Variants in LRP1B observed in about 807,000 individuals in gnomAD.
LRP1B encodes the protein low-density lipoprotein receptor-related protein 1B.
A neutral mutation model predicts 556.6 loss-of-function variants in LRP1B; 217 were observed. The ratio of observed to expected loss-of-function variants is 0.39; its 90% confidence interval spans 0.35 to 0.44. The LOEUF (loss-of-function observed/expected upper bound fraction) is 0.44. Ranked by LOEUF, LRP1B falls within the 20% of genes least tolerant of loss-of-function variation. The probability of loss-of-function intolerance (pLI) is 1.00; values close to 1 mark genes in which losing one functional copy is unlikely to be tolerated. For synonymous variants in LRP1B, 2,047 were observed against 1,865.8 expected, an observed-to-expected ratio of 1.10 and a Z score of -2.50; for missense variants, 5,053 against 5,620.8, an observed-to-expected ratio of 0.90 and a Z score of 3.23.
intron 1 of LRP1B, among the ~76,000 whole-genome samples, chr2:141,814,058 G>C (rs1322159985): frequency 6.6e-6 from 1 of 152,164 alleles, no homozygotes; most frequent in Non-Finnish European, 1.5e-5. Context: ...CCAATTGAGA[G>C]CTTTAGTGAC....
At chr2:141,091,923 T>C (rs1487617327) in intron 7 of LRP1B, among the ~76,000 whole-genome samples, 1 of 152,218 alleles carries the variant, frequency 6.6e-6, no homozygotes, top group Non-Finnish European at 1.5e-5. Flanking sequence ...ATCACCACTA[T>C]GACTGCTGCC....
At chr2:140,847,975 A>C (rs1004729884) in intron 29 of LRP1B, among the ~76,000 whole-genome samples, 12 of 152,146 alleles carry the variant, frequency 7.9e-5, no homozygotes, top group African/African-American at 2.9e-4. Context: ...TTACTACCAG[A>C]TACCAGTTCA....
At chr2:141,624,674 A>G in intron 2 of LRP1B, among the ~76,000 whole-genome samples, 1 of 152,320 alleles carries the variant, frequency 6.6e-6, no homozygotes, top group African/African-American at 2.4e-5. Flanking sequence ...ACCATTTTCA[A>G]AACCAAACTT....
At chr2:140,533,893 T>G in intron 47 of LRP1B, 128 bp downstream of exon 47, 1 of 936,248 alleles carries the variant, frequency 1.1e-6, no homozygotes, top group Non-Finnish European at 1.6e-6. Context: ...CCAACAGCAT[T>G]TACCAAAGTG....
chr2:141,823,561 G>A (rs1696825188), intron 1 of LRP1B, among the ~76,000 whole-genome samples: 1 of 152,158 alleles, frequency 6.6e-6, no homozygotes, highest in African/African-American at 2.4e-5. Flanking sequence ...AGCTGATTAG[G>A]TGGAGGATAG....
intron 35 of LRP1B, among the ~76,000 whole-genome samples, chr2:140,718,946 T>C (rs1687305143): frequency 6.6e-6 from 1 of 152,138 alleles, no homozygotes; most frequent in African/African-American, 2.4e-5. Flanking sequence ...CTTTCCTGCC[T>C]ATTCTACAAA....
chr2:141,983,409 C>T (rs1269257618), intron 1 of LRP1B, among the ~76,000 whole-genome samples: 1 of 152,122 alleles, frequency 6.6e-6, no homozygotes, highest in Non-Finnish European at 1.5e-5. Flanking sequence ...TTTCACCTCT[C>T]TTTTATGCCA....
chr2:140,548,869 G>A (rs995504659), intron 43 of LRP1B, among the ~76,000 whole-genome samples: 8 of 151,980 alleles, frequency 5.3e-5, no homozygotes, highest in African/African-American at 1.9e-4. Flanking sequence ...AGGTTGCAGT[G>A]AGCCAAGATC....
At chr2:141,467,451 T>C (rs1218564194) in intron 3 of LRP1B, among the ~76,000 whole-genome samples, 1 of 152,110 alleles carries the variant, frequency 6.6e-6, no homozygotes, top group East Asian at 1.9e-4. Context: ...TAGTACAAAT[T>C]GCTAAGCATT....
At chr2:141,882,981 T>C (rs1236336557) in intron 1 of LRP1B, among the ~76,000 whole-genome samples, 3 of 152,182 alleles carry the variant, frequency 2.0e-5, no homozygotes, top group Non-Finnish European at 4.4e-5. Flanking sequence ...CCAAAGGCAT[T>C]GCGGCTAAAG....
intron 7 of LRP1B, among the ~76,000 whole-genome samples, chr2:141,171,844 A>T (rs1176612288): frequency 6.6e-6 from 1 of 152,082 alleles, no homozygotes; most frequent in African/African-American, 2.4e-5. Context: ...GCGTGGATCA[A>T]TGTGGAAGAA....
chr2:140,700,651 C>T, intron 40 of LRP1B, 30 bp from the exon 41 acceptor site: 1 of 1,599,746 alleles, frequency 6.3e-7, no homozygotes, highest in Non-Finnish European at 8.5e-7. Flanking sequence ...CACACATGCA[C>T]ATGTTTATGT....
At chr2:141,319,370 C>T (rs1285203257) in intron 3 of LRP1B, among the ~76,000 whole-genome samples, 4 of 131,236 alleles carry the variant, frequency 3.0e-5, no homozygotes, top group Admixed American at 1.8e-4. Context: ...CAAGCAGCAT[C>T]TGTAATTGTA....
chr2:141,550,168 A>G (rs1401354926), intron 2 of LRP1B, among the ~76,000 whole-genome samples: 3 of 152,218 alleles, frequency 2.0e-5, no homozygotes, highest in African/African-American at 4.8e-5. Context: ...ATCTCCAAGT[A>G]GCGAGATTAC....
intron 2 of LRP1B, among the ~76,000 whole-genome samples, chr2:141,591,746 T>C (rs1379494465): frequency 1.3e-5 from 2 of 152,110 alleles, no homozygotes; most frequent in Non-Finnish European, 2.9e-5. Context: ...CATGGTTTTA[T>C]GTGTATGATT....
chr2:140,811,875 A>G (rs1690939630), intron 32 of LRP1B, among the ~76,000 whole-genome samples: 2 of 152,114 alleles, frequency 1.3e-5, no homozygotes, highest in Admixed American at 1.3e-4. Context: ...GGATATATAC[A>G]ATGAAAAGAA....
intron 7 of LRP1B, among the ~76,000 whole-genome samples, chr2:141,177,574 G>T (rs1574157692): frequency 6.6e-6 from 1 of 152,114 alleles, no homozygotes; most frequent in East Asian, 1.9e-4. Flanking sequence ...AAGTTTAAAA[G>T]CACAATATTA....
At chr2:142,003,312 AGTCTGGCTGGGCCAATGG>A (rs1182988524) in intron 1 of LRP1B, among the ~76,000 whole-genome samples, 1 of 152,270 alleles carries the variant, frequency 6.6e-6, no homozygotes, top group Non-Finnish European at 1.5e-5. Context: ...GTGAGACAAG[AGTCTGGCTGGGCCAATGG>A]GTAATTTTGT....
chr2:142,085,871 A>G (rs1045657344), intron 1 of LRP1B, among the ~76,000 whole-genome samples: 4 of 152,192 alleles, frequency 2.6e-5, no homozygotes, highest in African/African-American at 9.7e-5. Context: ...GACAGAACTG[A>G]AGTCACTGAA....
Sources: allele counts gnomAD v4.1 joint callset (sites outside exome capture counted in the v4.1 genomes callset), GRCh38; gene constraint gnomAD v4.1.1; transcripts MANE v1.5; gene names NCBI Gene and HGNC (gene_info 2026-07-23, HGNC 2026-07-21).